NEMP2: variants seen among roughly 807,000 people sequenced by gnomAD.
NEMP2 encodes the protein nuclear envelope integral membrane protein 2.
Under a neutral mutation model 54.2 loss-of-function variants are expected in NEMP2, and 53 were observed. That is an observed-to-expected ratio of 0.98 (90% CI 0.78 to 1.23). NEMP2 has a LOEUF of 1.23. NEMP2 is among the 50% of genes most tolerant of loss of function. The probability of loss-of-function intolerance (pLI) is 0.00; values close to 1 mark genes in which losing one functional copy is unlikely to be tolerated. For synonymous variants in NEMP2, 197 were observed against 190.3 expected, an observed-to-expected ratio of 1.04 and a Z score of -0.29; for missense variants, 455 against 511.3, an observed-to-expected ratio of 0.89 and a Z score of 1.06.
upstream of NEMP2, among the ~76,000 whole-genome samples, chr2:190,538,307 A>AT (rs920992484): frequency 1.4e-4 from 22 of 151,868 alleles, no homozygotes; most frequent in African/African-American, 4.4e-4. The surrounding 1 kb of genome is among the most constrained non-coding windows in gnomAD (Gnocchi z 4.1). Context: ...ATAGGATTTC[A>AT]TTTTTTTTAT....
At chr2:190,553,636 C>T in the NEMP2 span, among the ~76,000 whole-genome samples, 1 of 152,236 alleles carries the variant, frequency 6.6e-6, no homozygotes, top group Non-Finnish European at 1.5e-5. Flanking sequence ...GTAGCTTGAG[C>T]AGCTCCAGGT....
the NEMP2 span, among the ~76,000 whole-genome samples, chr2:190,612,642 C>A: frequency 2.0e-5 from 3 of 151,974 alleles, no homozygotes; most frequent in Non-Finnish European, 4.4e-5. Flanking sequence ...TTTTTTAAGT[C>A]AAAAAAAGTT....
upstream of NEMP2, chr2:190,534,763 C>A: frequency 1.2e-6 from 1 of 834,174 alleles, no homozygotes. Context: ...CGGTGAGGCC[C>A]GAACGCGGGA....
the NEMP2 span, chr2:190,444,992 T>C: frequency 3.2e-6 from 1 of 313,542 alleles, no homozygotes; most frequent in African/African-American, 2.3e-5. Context: ...AGGCCTCTTA[T>C]TTTACAGCCC....
chr2:190,604,648 G>A, the NEMP2 span, among the ~76,000 whole-genome samples: 11 of 152,168 alleles, frequency 7.2e-5, no homozygotes, highest in Admixed American at 7.2e-4. The surrounding 1 kb of genome is among the most constrained non-coding windows in gnomAD (Gnocchi z 4.5). Flanking sequence ...GCAAAGTCAA[G>A]AAGCTTGGGT....
At position 190,516,356 on chromosome 2, in the gene NEMP2, C is replaced by T. The variant is rs1018301388; in HGVS notation, c.641G>A (p.Gly214Asp). ...KYSTFWALMV[G>D]CWFASVYIVC... ...AATATAAACTGAGGCAAACCAACAA[C>T]CAACCATTAGAGCCCAAAAGGTGCT... is the stretch of plus-strand genomic sequence containing the variant. Residue 214 changes from glycine (G) to aspartate (D), a missense_variant, in exon 6 of 9, where the codon GGT becomes GAT. By Grantham distance (94) the Gly-to-Asp change is moderately conservative. Transcript: ENST00000409150. 3 of 1,551,344 alleles carry T rather than the reference C, an allele frequency of 1.9e-6. No individual in the cohort carries two copies. Among genetic ancestry groups the T allele is most frequent in the Non-Finnish European group, 2.6e-6 (3 of 1,146,934 alleles).
chr2:190,551,715 C>T, the NEMP2 span, among the ~76,000 whole-genome samples: 1 of 152,166 alleles, frequency 6.6e-6, no homozygotes, highest in Non-Finnish European at 1.5e-5. Flanking sequence ...CGCCTCAATA[C>T]TTTTCTGTTT....
the NEMP2 span, among the ~76,000 whole-genome samples, chr2:190,431,658 C>T: frequency 6.6e-6 from 1 of 152,180 alleles, no homozygotes; most frequent in African/African-American, 2.4e-5. This position sits in a 1 kb window ranked among gnomAD's most constrained non-coding sequence, Gnocchi z 4.4. Context: ...GGCAGCAGTA[C>T]AGTCCAGCTT....
In NEMP2 at chr2:190,507,301, G is replaced by C. The variant is rs1690212636; in HGVS notation, c.*1888C>G. On this transcript the variant is annotated 3_prime_UTR_variant, in exon 9 of 9. Coordinates refer to ENST00000409150, the MANE Select transcript of NEMP2 (RefSeq NM_001142645.2). The surrounding 1 kb of genome is among the most constrained non-coding windows in gnomAD (Gnocchi z 4.4). ...TGGTTACACCTGGCTAGCTGCCCAT[G>C]AAGAGCTGCTTCCTTCCCTCAGCAG... 1 of 152,138 alleles carries C rather than the reference G, an allele frequency of 6.6e-6. No individual in the cohort carries two copies. Among genetic ancestry groups the C allele is most frequent in the Non-Finnish European group, 1.5e-5 (1 of 68,062 alleles). 9.4% of individuals were successfully genotyped at this position (152,138 alleles called of 1,614,324 possible).
the NEMP2 span, among the ~76,000 whole-genome samples, chr2:190,642,351 T>C: frequency 6.6e-6 from 1 of 152,208 alleles, no homozygotes; most frequent in Non-Finnish European, 1.5e-5. The surrounding 1 kb of genome is among the most constrained non-coding windows in gnomAD (Gnocchi z 4.1). Flanking sequence ...ATATTTTGAA[T>C]ATACAAAAGA....
the NEMP2 span, among the ~76,000 whole-genome samples, chr2:190,562,499 A>G: frequency 2.6e-5 from 4 of 152,342 alleles, no homozygotes. The surrounding 1 kb of genome is among the most constrained non-coding windows in gnomAD (Gnocchi z 5.0). Flanking sequence ...GCACCTTTGC[A>G]TTCCATCCAT....
chr2:190,525,295 C>T lies in NEMP2; in HGVS notation c.181G>A (p.Val61Met). The T allele has an allele frequency of 6.5e-7, 1 of 1,550,338 alleles. No homozygotes were observed. The highest frequency in any genetic ancestry group is 8.7e-7 in the Non-Finnish European group (1 of 1,146,026). The change falls in exon 2 of 9, where the codon GTG becomes ATG. Residue 61 changes from valine (V) to methionine (M), a missense_variant. By Grantham distance (21) the Val-to-Met change is conservative (BLOSUM62 1). Coordinates refer to ENST00000409150, the MANE Select transcript of NEMP2 (RefSeq NM_001142645.2). The surrounding 1 kb of genome is among the most constrained non-coding windows in gnomAD (Gnocchi z 5.0). ...DCYCYNQNSQVEWKYIWSTMQ... is the reference protein window; with the variant it reads ...DCYCYNQNSQMEWKYIWSTMQ... ...GTTGACCATATGTATTTCCACTCCA[C>T]TTGGGAATTTTGATTGTAGCAGTAA...
the NEMP2 span, among the ~76,000 whole-genome samples, chr2:190,585,386 T>C: frequency 2.0e-4 from 31 of 152,344 alleles, no homozygotes; most frequent in African/African-American, 7.5e-4. The surrounding 1 kb of genome is among the most constrained non-coding windows in gnomAD (Gnocchi z 5.3). Context: ...GTTCTCACTT[T>C]AGGGCTGCCT....
the NEMP2 span, among the ~76,000 whole-genome samples, chr2:190,605,416 C>T: frequency 2.4e-4 from 37 of 151,840 alleles, no homozygotes; most frequent in African/African-American, 8.0e-4. Context: ...GCTCTGTCAC[C>T]TGGGCTGGAG....
the NEMP2 span, among the ~76,000 whole-genome samples, chr2:190,452,679 G>A: frequency 8.5e-5 from 13 of 152,112 alleles, no homozygotes; most frequent in Non-Finnish European, 1.6e-4. Context: ...AATGACTAAT[G>A]CCTGGTATCA....
the NEMP2 span, among the ~76,000 whole-genome samples, chr2:190,630,195 T>C: frequency 6.6e-6 from 1 of 152,340 alleles, no homozygotes; most frequent in South Asian, 2.1e-4. The surrounding 1 kb of genome is among the most constrained non-coding windows in gnomAD (Gnocchi z 5.5). Flanking sequence ...ACCACAACAA[T>C]GCTCCTGCTC....
At chr2:190,537,029 G>C (rs1207547776), upstream of NEMP2, among the ~76,000 whole-genome samples, 1 of 152,146 alleles carries the variant, frequency 6.6e-6, no homozygotes, top group Non-Finnish European at 1.5e-5. Context: ...AAAAAATCAA[G>C]AGGTAAAACA....
the NEMP2 span, among the ~76,000 whole-genome samples, chr2:190,445,352 A>G: frequency 6.6e-6 from 1 of 152,040 alleles, no homozygotes; most frequent in Non-Finnish European, 1.5e-5. Flanking sequence ...TCATCAGAGT[A>G]TTTAAGAAAA....
At chr2:190,460,681 T>C in the NEMP2 span, among the ~76,000 whole-genome samples, 1 of 152,162 alleles carries the variant, frequency 6.6e-6, no homozygotes, top group Admixed American at 6.5e-5. Context: ...AGGCACGTGA[T>C]GCTGCAATCA....
Sources: allele counts gnomAD v4.1 joint callset (sites outside exome capture counted in the v4.1 genomes callset), GRCh38; gene constraint gnomAD v4.1.1; non-coding constraint Gnocchi (gnomAD v3.1); transcripts MANE v1.5; gene names NCBI Gene and HGNC (gene_info 2026-07-23, HGNC 2026-07-21).